The following CNTNAP2 variants were observed in gnomAD, a reference collection of about 807,000 sequenced individuals.
CNTNAP2 encodes contactin associated protein 2.
In CNTNAP2, 98 loss-of-function variants were observed where a neutral mutation model predicts 155.2. The observed-to-expected ratio is 0.63, with a 90% confidence interval of 0.54 to 0.75. The LOEUF is 0.75. Ranked by LOEUF, CNTNAP2 falls within the 30% of genes least tolerant of loss-of-function variation. CNTNAP2 has a pLI of 0.00. For synonymous variants in CNTNAP2, 651 were observed against 631.2 expected, an observed-to-expected ratio of 1.03 and a Z score of -0.47; for missense variants, 1,727 against 1,688.1, an observed-to-expected ratio of 1.02 and a Z score of -0.40.
chr7:146,696,293 G>A (rs1177911396), intron 1 of CNTNAP2, among the ~76,000 whole-genome samples: 1 of 152,066 alleles, frequency 6.6e-6, no homozygotes, highest in Non-Finnish European at 1.5e-5. Context: ...TTTCATCTAG[G>A]TTATCAAATC....
At chr7:146,507,548 C>T (rs1797403175) in intron 1 of CNTNAP2, among the ~76,000 whole-genome samples, 1 of 152,182 alleles carries the variant, frequency 6.6e-6, no homozygotes, top group African/African-American at 2.4e-5. Context: ...CCAAGAGGCT[C>T]ACAAAAGTCT....
intron 11 of CNTNAP2, among the ~76,000 whole-genome samples, chr7:147,530,850 C>T (rs1263515917): frequency 1.3e-5 from 2 of 152,166 alleles, no homozygotes; most frequent in Non-Finnish European, 2.9e-5. Flanking sequence ...TGAGACAAGG[C>T]AAGTCCTTTC....
intron 1 of CNTNAP2, among the ~76,000 whole-genome samples, chr7:146,131,759 T>G (rs11976270): frequency 0.3 from 45,936 of 152,020 alleles, 8,094 homozygotes; most frequent in African/African-American, 0.48. Flanking sequence ...ATGGTTTGGC[T>G]CTGTGTCCCC....
At chr7:147,517,825 A>T (rs1314776946) in intron 11 of CNTNAP2, among the ~76,000 whole-genome samples, 1 of 151,852 alleles carries the variant, frequency 6.6e-6, no homozygotes, top group Non-Finnish European at 1.5e-5. Context: ...TTTTTTAGCC[A>T]GTCATTTTAG....
chr7:147,685,855 A>T (rs979434322), intron 13 of CNTNAP2, among the ~76,000 whole-genome samples: 1 of 151,880 alleles, frequency 6.6e-6, no homozygotes, highest in Non-Finnish European at 1.5e-5. Flanking sequence ...TGTGGGGAAG[A>T]TTGCTCCAGG....
chr7:146,554,525 C>T (rs2129143289), intron 1 of CNTNAP2, among the ~76,000 whole-genome samples: 1 of 152,152 alleles, frequency 6.6e-6, no homozygotes, highest in East Asian at 1.9e-4. Context: ...TCAAAAGTCC[C>T]ACATATTTTT....
chr7:148,177,895 G>GTTT (rs71527883), intron 18 of CNTNAP2, among the ~76,000 whole-genome samples: 5,844 of 146,704 alleles, frequency 0.04, 183 homozygotes, highest in East Asian at 0.16. Context: ...AACAGACACT[G>GTTT]TTTTTTTTTT....
At chr7:147,806,659 A>T (rs1430772136) in intron 13 of CNTNAP2, among the ~76,000 whole-genome samples, 1 of 152,216 alleles carries the variant, frequency 6.6e-6, no homozygotes, top group Non-Finnish European at 1.5e-5. Context: ...ATGGAATATT[A>T]TTCAACCATA....
At chr7:146,521,594 C>T (rs1380464009) in intron 1 of CNTNAP2, among the ~76,000 whole-genome samples, 1 of 151,980 alleles carries the variant, frequency 6.6e-6, no homozygotes, top group Admixed American at 6.6e-5. Flanking sequence ...TAAATACACT[C>T]TGTCACTATG....
chr7:146,348,892 C>A (rs762237280), intron 1 of CNTNAP2, among the ~76,000 whole-genome samples: 2 of 150,278 alleles, frequency 1.3e-5, no homozygotes, highest in Non-Finnish European at 3.0e-5. Flanking sequence ...TTTTCAAAGA[C>A]AAAAACAATT....
chr7:147,969,598 C>A (rs1434351742), intron 14 of CNTNAP2, among the ~76,000 whole-genome samples: 1 of 152,032 alleles, frequency 6.6e-6, no homozygotes, highest in South Asian at 2.1e-4. Flanking sequence ...GGTTTGTCAC[C>A]TTTTTCTCTG....
intron 13 of CNTNAP2, among the ~76,000 whole-genome samples, chr7:147,789,490 T>C (rs1797788115): frequency 6.6e-6 from 1 of 152,236 alleles, no homozygotes; most frequent in African/African-American, 2.4e-5. Flanking sequence ...TCCTCTGCTT[T>C]GCCCAGACAT....
At chr7:146,196,583 A>G (rs200298700) in intron 1 of CNTNAP2, among the ~76,000 whole-genome samples, 4 of 149,402 alleles carry the variant, frequency 2.7e-5, no homozygotes, top group African/African-American at 9.8e-5. Context: ...GAGAGAGAGA[A>G]AGAGAGAGAG....
rs866995419 is a variant in CNTNAP2 at position 148,192,178 on chromosome 7, G to A, written c.3010+19700G>A. ...CAAGGGTAATTTTGTTGCATGCATG[G>A]ATTACATAGTGGTGAAGTCAGAGCT... On this transcript the variant is annotated intron_variant, in intron 18 of 23. Coordinates refer to ENST00000361727, the MANE Select transcript of CNTNAP2 (RefSeq NM_014141.6). Among the ~76,000 whole-genome samples the A allele has an allele frequency of 3.3e-5, 5 of 152,246 alleles. 1 individual carries two copies. The highest frequency in any genetic ancestry group is 9.6e-5 in the African/African-American group (4 of 41,554).
At chr7:146,617,758 A>G (rs1799250253) in intron 1 of CNTNAP2, among the ~76,000 whole-genome samples, 1 of 152,218 alleles carries the variant, frequency 6.6e-6, no homozygotes, top group African/African-American at 2.4e-5. Flanking sequence ...AAAGTGAAAC[A>G]AAATATTTTT....
chr7:146,646,523 T>A (rs1263151189), intron 1 of CNTNAP2, among the ~76,000 whole-genome samples: 1 of 152,194 alleles, frequency 6.6e-6, no homozygotes, highest in Non-Finnish European at 1.5e-5. Flanking sequence ...GGTAAAAGTA[T>A]ATATACACAC....
chr7:146,827,040 C>T (rs768029097), intron 2 of CNTNAP2, among the ~76,000 whole-genome samples: 1 of 151,886 alleles, frequency 6.6e-6, no homozygotes, highest in South Asian at 2.1e-4. Flanking sequence ...TTCAATTTGC[C>T]TTACATAATC....
chr7:147,645,043 T>A (rs1795343821), intron 13 of CNTNAP2, among the ~76,000 whole-genome samples: 1 of 152,130 alleles, frequency 6.6e-6, no homozygotes. Flanking sequence ...GCTTCTTTTG[T>A]TGAAAGAAGC....
intron 1 of CNTNAP2, among the ~76,000 whole-genome samples, chr7:146,639,982 G>A (rs918526556): frequency 3.3e-5 from 5 of 152,190 alleles, no homozygotes; most frequent in African/African-American, 4.8e-5. Context: ...TTGAGGATGT[G>A]CATTTTTAAA....
Sources: allele counts gnomAD v4.1 joint callset (sites outside exome capture counted in the v4.1 genomes callset), GRCh38; gene constraint gnomAD v4.1.1; transcripts MANE v1.5; gene names NCBI Gene and HGNC (gene_info 2026-07-23, HGNC 2026-07-21).